The following PPEF1 variants were observed in gnomAD, a reference collection of about 807,000 sequenced individuals.
PPEF1 encodes protein phosphatase with EF-hand domain 1.
PPEF1 carries 12 observed loss-of-function variants against 53.3 expected under a neutral mutation model. The ratio of observed to expected loss-of-function variants is 0.23; its 90% CI spans 0.14 to 0.36. The LOEUF (loss-of-function observed/expected upper bound fraction) is 0.36, where lower values mean the gene tolerates loss of function less well. Ranked by LOEUF, PPEF1 falls within the 10% of genes least tolerant of loss-of-function variation. PPEF1 has a pLI of 1.00. For missense variants in PPEF1, 334 were observed against 490.4 expected (o/e 0.68, Z 3.01); for synonymous variants, 165 against 176.7 (o/e 0.93, Z 0.52).
chrX:18,783,061 G>A (rs1367688085), intron 8 of PPEF1, among the ~76,000 whole-genome samples: 2 of 102,887 alleles, frequency 1.9e-5, no homozygotes, highest in African/African-American at 7.2e-5. Context: ...GCAGTGAGCC[G>A]AGGTCGTGCC....
Position 18,827,350 on chromosome X carries a change from T to C in PPEF1, c.1825T>C (p.Ser609Pro). 1 of 1,210,254 alleles carries C rather than the reference T, an allele frequency of 8.3e-7. No individual in the cohort carries two copies. The highest frequency in any genetic ancestry group is 1.1e-6 in the Non-Finnish European group (1 of 893,847). The change falls in exon 16 of 16, where the codon TCC becomes CCC. Residue 609 changes from serine (S) to proline (P), a missense_variant. Transcript: ENST00000470157. ...TCACTACAATGTTCACATTGATGAT[T>C]CCCAAGTCAATAAGCTTGCCAACAT... ...SSHYNVHIDD[S>P]QVNKLANIMD...
At chrX:18,805,989 T>C (rs970342572) in intron 11 of PPEF1, among the ~76,000 whole-genome samples, 3 of 109,513 alleles carry the variant, frequency 2.7e-5, no homozygotes, top group African/African-American at 1.0e-4. Flanking sequence ...ACCCTCTAAA[T>C]CACTCAGCTC....
rs917817032 is a variant in PPEF1, at chrX:18,767,875, C to T, written c.558+6299C>T. Among the ~76,000 whole-genome samples the T allele has an allele frequency of 3.6e-5, 4 of 111,105 alleles. No individual in the cohort carries two copies. In the Admixed American group the frequency reaches 3.8e-4, roughly 11 times the overall value. On this transcript the variant is annotated intron_variant, in intron 6 of 15. Transcript: ENST00000470157. ...GGATTTCTCTTGGTAGCATCACACA[C>T]GAAGGTTGCCTGCTCAGATTACAGG...
rs1055787742 is a variant in PPEF1, at chrX:18,816,740, G to T, written c.1395-1299G>T. 2.7e-5 allele frequency among the ~76,000 whole-genome samples: 3 copies of T among 111,432 alleles called. No individual in the cohort carries two copies. In the Admixed American group the frequency reaches 2.9e-4, roughly 11 times the overall value. ...GTTAGGTTCTCATGTGTTTATAATT[G>T]CTTCATCTTCTTGATGGACTGTTTT... On this transcript the variant is annotated intron_variant, in intron 12 of 15. Coordinates refer to ENST00000470157, the MANE Select transcript of PPEF1 (RefSeq NM_001377996.1).
At chrX:18,769,042 A>G (rs192999087) in intron 6 of PPEF1, among the ~76,000 whole-genome samples, 1 of 112,313 alleles carries the variant, frequency 8.9e-6, no homozygotes, top group African/African-American at 3.2e-5. Context: ...TGGGATTTGT[A>G]GCAATTATTG....
intron 12 of PPEF1, among the ~76,000 whole-genome samples, chrX:18,814,852 C>G (rs768759429): frequency 1.8e-5 from 2 of 111,841 alleles, no homozygotes; most frequent in East Asian, 5.6e-4. Context: ...TTAATTAGTT[C>G]TCATTTGTCA....
chrX:18,793,551 A>G (rs1480400769), intron 10 of PPEF1, among the ~76,000 whole-genome samples: 1 of 111,031 alleles, frequency 9.0e-6, no homozygotes, highest in Non-Finnish European at 1.9e-5. Flanking sequence ...AGAAGACTAT[A>G]TATTTCACTC....
chrX:18,737,366 C>T (rs1602396628), intron 3 of PPEF1, among the ~76,000 whole-genome samples: 1 of 111,905 alleles, frequency 8.9e-6, no homozygotes, highest in African/African-American at 3.3e-5. Flanking sequence ...TTATTTCTGC[C>T]TTCATTTCGT....
Position 18,740,413 on chromosome X carries a change from C to CTT in PPEF1, c.235+6618_235+6619dup, listed in dbSNP as rs763003965. Reference sequence around the variant, plus strand: ...TCTGTTTTCTGTCCTCTCTCTCTCTCTTTTTTTTTTTTTTGAGACAGAGTC... The same window carrying CTT: ...TCTGTTTTCTGTCCTCTCTCTCTCTCTTTTTTTTTTTTTTTTGAGACAGAGTC... On this transcript the variant is annotated intron_variant, in intron 3 of 15. Transcript: ENST00000470157. 4.5e-3 allele frequency among the ~76,000 whole-genome samples: 443 copies of CTT among 98,148 alleles called. 4 individuals carry two copies. Among genetic ancestry groups the CTT allele is most frequent in the African/African-American group, 8.3e-3 (222 of 26,592 alleles). 85.2% of individuals were successfully genotyped at this position (98,148 alleles called of 115,157 possible). A position where few individuals can be genotyped will look rare whatever the true frequency, so the allele number is the denominator to read the frequency against.
At chrX:18,810,740 T>C (rs1293360592) in intron 12 of PPEF1, among the ~76,000 whole-genome samples, 1 of 112,374 alleles carries the variant, frequency 8.9e-6, no homozygotes, top group Non-Finnish European at 1.9e-5. Context: ...AATATTCCAT[T>C]GTATGGATAG....
exon 2 of PPEF1, among the ~76,000 whole-genome samples, chrX:18,684,668 C>T (rs1271958323): frequency 9.3e-6 from 1 of 108,028 alleles, no homozygotes; most frequent in Non-Finnish European, 1.9e-5. Flanking sequence ...ACTCTGTCGC[C>T]CAGGCTGGAG....
intron 8 of PPEF1, 21 bp downstream of exon 8, chrX:18,782,423 T>TC: frequency 9.1e-7 from 1 of 1,104,590 alleles, no homozygotes; most frequent in Non-Finnish European, 1.2e-6. Flanking sequence ...CTTTTTTTTT[T>TC]TTTTTTAGTA....
intron 3 of PPEF1, among the ~76,000 whole-genome samples, chrX:18,737,267 G>T: frequency 8.9e-6 from 1 of 111,812 alleles, no homozygotes; most frequent in Middle Eastern, 4.6e-3. Context: ...GGCATTTAGT[G>T]CTATAAGTTT....
chrX:18,705,601 G>T (rs1434095074), upstream of PPEF1, among the ~76,000 whole-genome samples: 1 of 111,554 alleles, frequency 9.0e-6, no homozygotes, highest in Non-Finnish European at 1.9e-5. Context: ...TGTAGTTCCA[G>T]CTGCTCAGGA....
Position 18,811,605 on chromosome X carries a change from ATATATATATATTTTTTTTT to A in PPEF1, c.1394+5062_1394+5080del, listed in dbSNP as rs1342417929. 5.4e-3 allele frequency among the ~76,000 whole-genome samples: 91 copies of A among 16,827 alleles called. 1 individual carries two copies. The highest frequency in any genetic ancestry group is 0.019 in the African/African-American group (86 of 4,517). The allele number at this position is 16,827 out of a possible 115,157, so 14.6% of individuals were successfully genotyped here. On this transcript the variant is annotated intron_variant, in intron 12 of 15. Coordinates refer to ENST00000470157, the MANE Select transcript of PPEF1 (RefSeq NM_001377996.1). ...TTATTCAGTATATATATATATATATATATATATATATTTTTTTTTTTTTTTTTTTTGAGACAGGGTCTCA... is the reference window on the plus strand; with the variant it reads ...TTATTCAGTATATATATATATATATATTTTTTTTTTTGAGACAGGGTCTCA...
chrX:18,683,898 C>T (rs910225612), intron 1 of PPEF1, among the ~76,000 whole-genome samples: 4 of 112,028 alleles, frequency 3.6e-5, no homozygotes, highest in African/African-American at 9.7e-5. Flanking sequence ...GGTCCCAGCC[C>T]CAGATTCCCT....
At chrX:18,822,996 A>G (rs1203509511) in intron 13 of PPEF1, among the ~76,000 whole-genome samples, 1 of 111,628 alleles carries the variant, frequency 9.0e-6, no homozygotes, top group Non-Finnish European at 1.9e-5. Flanking sequence ...ATCAAGATCT[A>G]TTATAAAAGT....
rs186805481 is a variant in PPEF1 at position 18,686,177 on chromosome X, C to T, written c.-480C>T. 2.6e-4 allele frequency: 29 copies of T among 111,842 alleles called. No individual in the cohort carries two copies. The East Asian group carries it at 7.3e-3, about 28-fold the overall frequency. 9.2% of individuals were successfully genotyped at this position (111,842 alleles called of 1,213,427 possible). On this transcript the variant is annotated 5_prime_UTR_variant, in exon 3 of 22. Transcript: ENST00000361511. ...TTGTAGTTGCCTGTGGCAGAAGATC[C>T]GACCCAAACTGAGCAAAACCAGTTT...
chrX:18,802,263 G>T (rs2046563029), intron 10 of PPEF1, among the ~76,000 whole-genome samples: 1 of 109,843 alleles, frequency 9.1e-6, no homozygotes, highest in Non-Finnish European at 1.9e-5. Flanking sequence ...TAGAGATGGG[G>T]TTTTGCCATG....
Sources: gnomAD v4.1 joint callset for allele counts (sites outside exome capture counted in the v4.1 genomes callset) on GRCh38, gnomAD v4.1.1 for gene constraint, MANE v1.5 for transcripts, NCBI Gene and HGNC (gene_info 2026-07-23, HGNC 2026-07-21) for gene names.